RAB28: variants seen among roughly 807,000 people sequenced by gnomAD.
RAB28 encodes the protein ras-related protein Rab-28.
A neutral mutation model predicts 31.7 loss-of-function variants in RAB28; 24 were observed. The observed-to-expected ratio is 0.76, with a 90% CI of 0.55 to 1.06. The LOEUF (loss-of-function observed/expected upper bound fraction) is 1.06, where lower values mean the gene tolerates loss of function less well. RAB28 is among the 50% of genes least tolerant of loss of function. RAB28 has a pLI of 0.00. For synonymous variants in RAB28, 100 were observed against 90.4 expected (o/e 1.11, Z -0.60); for missense variants, 254 against 258.5 (o/e 0.98, Z 0.12).
intron 4 of RAB28, among the ~76,000 whole-genome samples, chr4:13,422,945 T>C (rs73229678): frequency 0.077 from 11,705 of 151,572 alleles, 815 homozygotes; most frequent in African/African-American, 0.19. Flanking sequence ...AAAAAGTACA[T>C]AAACTTTATT....
In RAB28 at chr4:13,477,618, T is replaced by C. The variant is rs532628810; in HGVS notation, c.172+1812A>G. Among the ~76,000 whole-genome samples, 6 of 151,152 alleles carry C rather than the reference T, an allele frequency of 4.0e-5. 1 individual carries two copies. The South Asian group carries it at 1.2e-3, about 31-fold the overall frequency. Reference sequence around the variant, plus strand: ...TTGAAATTTCTACCATAAGTTTGAGTCTGTTAAGTAGCATAAAACCAACTG... The same window carrying C: ...TTGAAATTTCTACCATAAGTTTGAGCCTGTTAAGTAGCATAAAACCAACTG... On this transcript the variant is annotated intron_variant, in intron 2 of 6. Coordinates refer to ENST00000330852, the MANE Select transcript of RAB28 (RefSeq NM_001017979.3).
chr4:13,440,413 G>A (rs1714354770), intron 4 of RAB28, among the ~76,000 whole-genome samples: 1 of 151,950 alleles, frequency 6.6e-6, no homozygotes, highest in Non-Finnish European at 1.5e-5. Flanking sequence ...CACAGCATCT[G>A]TATTTGATTC....
intron 2 of RAB28, among the ~76,000 whole-genome samples, chr4:13,476,951 C>T (rs1200217755): frequency 1.3e-5 from 2 of 151,438 alleles, no homozygotes; most frequent in Non-Finnish European, 3.0e-5. Flanking sequence ...GAGGGTTCAA[C>T]AGTGACCTTG....
intron 4 of RAB28, among the ~76,000 whole-genome samples, chr4:13,383,459 T>C (rs184551824): frequency 6.6e-6 from 1 of 152,202 alleles, no homozygotes; most frequent in East Asian, 1.9e-4. Flanking sequence ...GAAAGACTAG[T>C]AGTACCATTG....
At chr4:13,387,544 T>C (rs1256382128) in intron 4 of RAB28, among the ~76,000 whole-genome samples, 6 of 151,958 alleles carry the variant, frequency 3.9e-5, no homozygotes, top group Admixed American at 3.3e-4. Flanking sequence ...TGTTGGAAGA[T>C]ATAAGGAAAG....
At chr4:13,458,875 T>C (rs1715445605) in intron 4 of RAB28, among the ~76,000 whole-genome samples, 1 of 152,194 alleles carries the variant, frequency 6.6e-6, no homozygotes, top group South Asian at 2.1e-4. Context: ...ATACACTCTA[T>C]GTGATGGTAA....
At chr4:13,462,311 G>A (rs188457290) in intron 3 of RAB28, among the ~76,000 whole-genome samples, 2 of 152,258 alleles carry the variant, frequency 1.3e-5, no homozygotes, top group East Asian at 3.9e-4. Context: ...CAGAGTTGGG[G>A]AGGTCACCAT....
At chr4:13,465,009 AT>A (rs1454857222) in intron 3 of RAB28, among the ~76,000 whole-genome samples, 11 of 152,076 alleles carry the variant, frequency 7.2e-5, no homozygotes, top group Admixed American at 7.2e-4. Context: ...TATAACAGAA[AT>A]AAAGAATGCC....
intron 5 of RAB28, among the ~76,000 whole-genome samples, chr4:13,381,002 C>A (rs1314539832): frequency 6.6e-6 from 1 of 151,844 alleles, no homozygotes; most frequent in African/African-American, 2.4e-5. Flanking sequence ...TGACTGTGAG[C>A]CCCAGAGTGT....
At chr4:13,470,156 GTTAT>G (rs1318566783) in intron 3 of RAB28, among the ~76,000 whole-genome samples, 1 of 151,996 alleles carries the variant, frequency 6.6e-6, no homozygotes, top group African/African-American at 2.4e-5. Flanking sequence ...CAAAATGCAG[GTTAT>G]TTGTTTTCTC....
At chr4:13,417,812 G>A (rs1288721669) in intron 4 of RAB28, among the ~76,000 whole-genome samples, 3 of 152,182 alleles carry the variant, frequency 2.0e-5, no homozygotes, top group African/African-American at 7.2e-5. Context: ...GAGAAAAGCT[G>A]AAAATTCTAA....
intron 6 of RAB28, chr4:13,370,049 G>A: frequency 6.6e-7 from 1 of 1,509,478 alleles, no homozygotes; most frequent in East Asian, 2.3e-5. Flanking sequence ...TTCAATGACT[G>A]AATATAGAAG....
At chr4:13,478,486 AGTTGTCTGATAGATGGGGTGTCTGAGAG>A in intron 2 of RAB28, among the ~76,000 whole-genome samples, 1 of 151,592 alleles carries the variant, frequency 6.6e-6, no homozygotes, top group East Asian at 1.9e-4. Context: ...TTTCATGGGG[AGTTGTCTGATAGATGGGGTGTCTGAGAG>A]GTTAACATAT....
chr4:13,444,572 G>A (rs1472969205), intron 4 of RAB28, among the ~76,000 whole-genome samples: 1 of 152,106 alleles, frequency 6.6e-6, no homozygotes, highest in Non-Finnish European at 1.5e-5. Flanking sequence ...ATGTTTTGAG[G>A]AACCTCCACA....
chr4:13,427,001 CCTT>C (rs1268894101), intron 4 of RAB28, among the ~76,000 whole-genome samples: 2 of 152,142 alleles, frequency 1.3e-5, no homozygotes, highest in Non-Finnish European at 2.9e-5. Flanking sequence ...TCCTCTACCT[CCTT>C]ATTTTGCCTG....
intron 4 of RAB28, among the ~76,000 whole-genome samples, chr4:13,402,431 G>A (rs186666720): frequency 2.0e-4 from 30 of 152,232 alleles, no homozygotes; most frequent in African/African-American, 5.1e-4. Flanking sequence ...GTTCTGCTGC[G>A]TTTATATACA....
intron 4 of RAB28, among the ~76,000 whole-genome samples, chr4:13,437,530 C>T (rs1227550544): frequency 6.6e-6 from 1 of 151,814 alleles, no homozygotes; most frequent in Non-Finnish European, 1.5e-5. Context: ...ATAACCGCAA[C>T]AAAAAGTGGA....
At chr4:13,384,250 C>T (rs1729264638) in intron 4 of RAB28, among the ~76,000 whole-genome samples, 1 of 152,236 alleles carries the variant, frequency 6.6e-6, no homozygotes, top group African/African-American at 2.4e-5. Context: ...CTAATACCAC[C>T]ACCAGCACAG....
chr4:13,378,049 C>T (rs1728989257), intron 5 of RAB28, among the ~76,000 whole-genome samples: 3 of 152,040 alleles, frequency 2.0e-5, no homozygotes, highest in South Asian at 2.1e-4. Context: ...AGATGCTGAG[C>T]GGGCAGTTGG....
Sources: allele counts gnomAD v4.1 joint callset (sites outside exome capture counted in the v4.1 genomes callset), GRCh38; gene constraint gnomAD v4.1.1; transcripts MANE v1.5; gene names NCBI Gene and HGNC (gene_info 2026-07-23, HGNC 2026-07-21).